ST7: variants seen among roughly 807,000 people sequenced by gnomAD.
The protein encoded by ST7 is suppressor of tumorigenicity 7 protein.
In ST7, 28 loss-of-function variants were observed where a neutral mutation model predicts 78.7. That is an observed-to-expected ratio of 0.36 (90% CI 0.26 to 0.49). The LOEUF is 0.49. Among genes scored for constraint, ST7 ranks in the 20% least tolerant of loss-of-function variants. The probability of loss-of-function intolerance (pLI) is 0.99; values close to 1 mark genes in which losing one functional copy is unlikely to be tolerated. For missense variants in ST7, 418 were observed against 696.0 expected, an observed-to-expected ratio of 0.60 and a Z score of 4.49; for synonymous variants, 247 against 249.6, an observed-to-expected ratio of 0.99 and a Z score of 0.10.
At chr7:117,040,252 A>G (rs980905152) in intron 1 of ST7, among the ~76,000 whole-genome samples, 1 of 152,170 alleles carries the variant, frequency 6.6e-6, no homozygotes, top group Non-Finnish European at 1.5e-5. Context: ...GACGCCTGTA[A>G]TCCCAGCTGT....
At chr7:116,990,486 A>G (rs1293418912) in intron 1 of ST7, among the ~76,000 whole-genome samples, 1 of 152,192 alleles carries the variant, frequency 6.6e-6, no homozygotes, top group African/African-American at 2.4e-5. Flanking sequence ...AAAAAATGTT[A>G]TAATGGTCCA....
chr7:117,039,667 G>T (rs1797103915), intron 1 of ST7, among the ~76,000 whole-genome samples: 1 of 151,840 alleles, frequency 6.6e-6, no homozygotes, highest in South Asian at 2.1e-4. Flanking sequence ...TGCCTTTTAT[G>T]TAGGAAAAAT....
intron 1 of ST7, among the ~76,000 whole-genome samples, chr7:116,956,176 CAGTG>C (rs925965281): frequency 1.3e-5 from 2 of 152,282 alleles, no homozygotes; most frequent in South Asian, 2.1e-4. Context: ...TTTTAAGTAA[CAGTG>C]AGAAGTTATA....
At chr7:117,073,874 T>A (rs1330165451) in intron 1 of ST7, 1 of 152,214 alleles carries the variant, frequency 6.6e-6, no homozygotes, top group Admixed American at 6.5e-5. Context: ...TCATCTCACG[T>A]GGATATTGTT....
chr7:117,194,933 C>T (rs1364849865), intron 12 of ST7, among the ~76,000 whole-genome samples: 1 of 152,162 alleles, frequency 6.6e-6, no homozygotes. Context: ...TGCGAGGAGA[C>T]ACATTTTTGT....
chr7:116,965,226 G>A (rs1363310805), intron 1 of ST7, among the ~76,000 whole-genome samples: 1 of 151,554 alleles, frequency 6.6e-6, no homozygotes, highest in African/African-American at 2.4e-5. Flanking sequence ...TGTAGTCCCA[G>A]CTACTCCAGA....
chr7:116,955,584 G>A (rs1792424937), intron 1 of ST7, among the ~76,000 whole-genome samples: 1 of 152,062 alleles, frequency 6.6e-6, no homozygotes. Flanking sequence ...AAACACACTA[G>A]TTTTTAAAAT....
At chr7:117,191,745 C>T (rs914960578) in intron 12 of ST7, 2 of 152,152 alleles carry the variant, frequency 1.3e-5, no homozygotes, top group Admixed American at 6.5e-5. Context: ...TAAGAAACTT[C>T]GTGTGGTTCA....
chr7:116,983,049 C>A (rs1209496994), intron 1 of ST7, among the ~76,000 whole-genome samples: 4 of 152,148 alleles, frequency 2.6e-5, no homozygotes. Flanking sequence ...CAGGCATATG[C>A]CACCACGCCT....
At chr7:116,970,529 A>C (rs1012963281) in intron 1 of ST7, among the ~76,000 whole-genome samples, 1 of 152,216 alleles carries the variant, frequency 6.6e-6, no homozygotes, top group Admixed American at 6.5e-5. Context: ...AAGAGAGCAG[A>C]GAGAGGAAGC....
intron 1 of ST7, among the ~76,000 whole-genome samples, chr7:117,061,929 A>G (rs954755014): frequency 6.6e-6 from 1 of 152,216 alleles, no homozygotes. Context: ...ATGAGTCAGA[A>G]GCTCAGGCTG....
intron 1 of ST7, among the ~76,000 whole-genome samples, chr7:117,076,237 T>G (rs537917362): frequency 6.6e-6 from 1 of 152,318 alleles, no homozygotes; most frequent in Non-Finnish European, 1.5e-5. Flanking sequence ...CAGTAACAAT[T>G]TAAAAAATAG....
At chr7:116,987,763 C>T (rs1585096798) in intron 1 of ST7, among the ~76,000 whole-genome samples, 1 of 152,190 alleles carries the variant, frequency 6.6e-6, no homozygotes. Context: ...TCACTCTGTT[C>T]CCCAGGCTGG....
At chr7:117,163,409 A>G (rs1807303717) in intron 9 of ST7, among the ~76,000 whole-genome samples, 1 of 152,070 alleles carries the variant, frequency 6.6e-6, no homozygotes, top group Non-Finnish European at 1.5e-5. Context: ...GTGTATAAGA[A>G]TTGCCTTTTT....
chr7:116,953,831 A>G, intron 1 of ST7, 140 bp downstream of exon 1: 1 of 465,866 alleles, frequency 2.1e-6, no homozygotes, highest in Non-Finnish European at 2.8e-6. Context: ...GCTACCCGCC[A>G]GCAACGCGGC....
At chr7:117,225,696 TA>T (rs1275295908) in intron 15 of ST7, among the ~76,000 whole-genome samples, 2 of 152,168 alleles carry the variant, frequency 1.3e-5, no homozygotes, top group African/African-American at 2.4e-5. Flanking sequence ...TTTGCTGAGA[TA>T]ATGTCCCTGG....
chr7:117,065,105 A>G (rs1446317062), intron 1 of ST7, among the ~76,000 whole-genome samples: 1 of 152,056 alleles, frequency 6.6e-6, no homozygotes. Context: ...TATTCTAACT[A>G]TACTGATAAA....
intron 1 of ST7, among the ~76,000 whole-genome samples, chr7:117,029,736 T>C (rs1796379387): frequency 6.7e-6 from 1 of 148,998 alleles, no homozygotes; most frequent in African/African-American, 2.5e-5. Context: ...GTTTGTAATA[T>C]GAGGTAATGG....
intron 1 of ST7, among the ~76,000 whole-genome samples, chr7:116,973,937 G>A (rs1793568603): frequency 2.0e-5 from 3 of 152,220 alleles, no homozygotes; most frequent in Admixed American, 2.0e-4. Flanking sequence ...TCAAGGGAAA[G>A]TGTTATCAAT....
Sources: gnomAD v4.1 joint callset for allele counts (sites outside exome capture counted in the v4.1 genomes callset) on GRCh38, gnomAD v4.1.1 for gene constraint, MANE v1.5 for transcripts, NCBI Gene and HGNC (gene_info 2026-07-23, HGNC 2026-07-21) for gene names.